Variants in STK33 observed in about 807,000 individuals in gnomAD.
STK33 encodes serine/threonine kinase 33, also known as serine/threonine-protein kinase 33.
Under a neutral mutation model 58.0 loss-of-function variants are expected in STK33, and 52 were observed. That is an observed-to-expected ratio of 0.90 (90% CI 0.72 to 1.13). STK33 has a LOEUF of 1.13. Among genes scored for constraint, STK33 ranks in the 50% most tolerant of loss-of-function variants. The pLI is 0.00. For missense variants in STK33, 630 were observed against 604.2 expected, an observed-to-expected ratio of 1.04 and a Z score of -0.45; for synonymous variants, 215 against 200.1, an observed-to-expected ratio of 1.07 and a Z score of -0.63.
downstream of STK33, among the ~76,000 whole-genome samples, chr11:8,389,915 C>T (rs1292354705): frequency 6.6e-6 from 1 of 152,168 alleles, no homozygotes; most frequent in Admixed American, 6.5e-5. Flanking sequence ...TCTAGGTTTG[C>T]CTGTGTACGG....
the STK33 span, among the ~76,000 whole-genome samples, chr11:8,347,643 A>G: frequency 2.6e-5 from 4 of 152,206 alleles, no homozygotes; most frequent in African/African-American, 9.7e-5. Flanking sequence ...GCCATTTCTT[A>G]TCACAGCACA....
At chr11:8,360,740 C>G in the STK33 span, among the ~76,000 whole-genome samples, 1 of 152,258 alleles carries the variant, frequency 6.6e-6, no homozygotes, top group South Asian at 2.1e-4. Context: ...CTCCCAGCTT[C>G]TGGAGGCCGC....
chr11:8,362,188 G>A, the STK33 span, among the ~76,000 whole-genome samples: 4 of 152,150 alleles, frequency 2.6e-5, no homozygotes, highest in Admixed American at 1.3e-4. Context: ...GTCACATATC[G>A]GCAACCGAGA....
At chr11:8,404,780 C>T (rs1938784307) in intron 15 of STK33, among the ~76,000 whole-genome samples, 1 of 152,194 alleles carries the variant, frequency 6.6e-6, no homozygotes, top group Non-Finnish European at 1.5e-5. Flanking sequence ...CCGCTACAAA[C>T]ATATACTACA....
At chr11:8,476,881 G>A (rs757945916) in intron 3 of STK33, 130 bp from the exon 4 acceptor site, 1 of 152,106 alleles carries the variant, frequency 6.6e-6, no homozygotes, top group African/African-American at 2.4e-5. Context: ...GGATTTACAG[G>A]TCAGTCTCAT....
At chr11:8,410,007 G>C (rs372125438) in intron 15 of STK33, among the ~76,000 whole-genome samples, 7 of 152,112 alleles carry the variant, frequency 4.6e-5, no homozygotes, top group African/African-American at 1.7e-4. Flanking sequence ...TATTTTAAGG[G>C]CTGTGCTTGG....
At chr11:8,440,301 T>G (rs1009251500) in intron 12 of STK33, among the ~76,000 whole-genome samples, 1 of 151,934 alleles carries the variant, frequency 6.6e-6, no homozygotes, top group Non-Finnish European at 1.5e-5. Flanking sequence ...CCTGTATGGG[T>G]AGAACAAGTG....
chr11:8,439,853 ATATAT>A lies in STK33; in HGVS notation c.947+820_947+824del, dbSNP rs1325621223. 1.4e-5 allele frequency among the ~76,000 whole-genome samples: 2 copies of A among 138,130 alleles called. 1 individual carries two copies. The highest frequency in any genetic ancestry group is 3.1e-5 in the Non-Finnish European group (2 of 65,192). The allele number at this position is 138,130 out of a possible 152,430, so 90.6% of individuals were successfully genotyped here. A position where few individuals can be genotyped will look rare whatever the true frequency, so the allele number is the denominator to read the frequency against. On this transcript the variant is annotated intron_variant, in intron 12 of 15. Coordinates refer to ENST00000687296, the MANE Select transcript of STK33 (RefSeq NM_001352389.2). ...CATATATATATGTATTAGATTACAT[ATATAT>A]TATATTATAATTATATATATATATA... is the stretch of plus-strand genomic sequence containing the variant.
the STK33 span, among the ~76,000 whole-genome samples, chr11:8,367,057 T>C: frequency 6.6e-6 from 1 of 152,276 alleles, no homozygotes; most frequent in African/African-American, 2.4e-5. Flanking sequence ...GCATTCTATG[T>C]CTGCATTGTG....
intron 15 of STK33, among the ~76,000 whole-genome samples, chr11:8,399,036 C>T (rs1382511617): frequency 6.6e-6 from 1 of 152,160 alleles, no homozygotes; most frequent in Non-Finnish European, 1.5e-5. Flanking sequence ...TAACACCCCA[C>T]TGTCAACATT....
chr11:8,440,533 A>G lies in STK33; in HGVS notation c.947+145T>C, dbSNP rs1944605104. ...AGGGATGTATGTATACCTGACAACT[A>G]ATAAGAGAGCTTTTAGAATGATCTC... On this transcript the variant is annotated intron_variant, in intron 12 of 15. Coordinates refer to ENST00000687296, the MANE Select transcript of STK33 (RefSeq NM_001352389.2). 2.2e-5 allele frequency: 13 copies of G among 591,794 alleles called. No individual in the cohort carries two copies. In the Admixed American group the frequency reaches 4.4e-4, roughly 20 times the overall value. The allele number at this position is 591,794 out of a possible 1,614,324, so 36.7% of individuals were successfully genotyped here. A position where few individuals can be genotyped will look rare whatever the true frequency, so the allele number is the denominator to read the frequency against.
chr11:8,447,926 A>G (rs535801566), intron 11 of STK33, among the ~76,000 whole-genome samples: 324 of 152,330 alleles, frequency 2.1e-3, no homozygotes, highest in Non-Finnish European at 3.8e-3. Flanking sequence ...GCTGATAGGC[A>G]ACTTCAGCAA....
the STK33 span, among the ~76,000 whole-genome samples, chr11:8,365,100 TAGAA>T: frequency 6.6e-6 from 1 of 152,060 alleles, no homozygotes; most frequent in Admixed American, 6.5e-5. Flanking sequence ...ATTTTACAGA[TAGAA>T]GGAAAGACTC....
chr11:8,358,406 G>C, the STK33 span, among the ~76,000 whole-genome samples: 1 of 152,216 alleles, frequency 6.6e-6, no homozygotes, highest in Non-Finnish European at 1.5e-5. Flanking sequence ...GGGGCGCCTT[G>C]TGCCTGTGTG....
At chr11:8,406,716 C>A (rs576521482) in intron 15 of STK33, among the ~76,000 whole-genome samples, 38 of 152,212 alleles carry the variant, frequency 2.5e-4, no homozygotes, top group African/African-American at 8.2e-4. Flanking sequence ...CATCCAGCAA[C>A]CTCTTTAATT....
intron 1 of STK33, among the ~76,000 whole-genome samples, chr11:8,504,074 C>T (rs898542904): frequency 6.6e-6 from 1 of 152,164 alleles, no homozygotes; most frequent in Non-Finnish European, 1.5e-5. Context: ...TTTGCTCTGC[C>T]AGGAACTCAT....
intron 11 of STK33, 143 bp downstream of exon 11, chr11:8,452,679 T>C: frequency 1.5e-6 from 1 of 670,964 alleles, no homozygotes; most frequent in African/African-American, 1.8e-5. Context: ...TCCTAGCTAC[T>C]TGAGAGGCTG....
intron 15 of STK33, among the ~76,000 whole-genome samples, chr11:8,399,031 C>A (rs7942618): frequency 0.19 from 28,816 of 151,986 alleles, 3,315 homozygotes; most frequent in African/African-American, 0.31. Flanking sequence ...GACTTTAACA[C>A]CCCACTGTCA....
At chr11:8,566,075 G>T (rs571848279) in intron 1 of STK33, among the ~76,000 whole-genome samples, 238 of 152,152 alleles carry the variant, frequency 1.6e-3, no homozygotes, top group African/African-American at 5.1e-3. Context: ...TAACATCATT[G>T]GTCAACTGAT....
Sources: allele counts gnomAD v4.1 joint callset (sites outside exome capture counted in the v4.1 genomes callset), GRCh38; gene constraint gnomAD v4.1.1; transcripts MANE v1.5; gene names NCBI Gene and HGNC (gene_info 2026-07-23, HGNC 2026-07-21).